The following TNFRSF10B variants were observed in gnomAD, a reference collection of about 807,000 sequenced individuals.
The protein encoded by TNFRSF10B is TNF receptor superfamily member 10b, also known as tumor necrosis factor receptor superfamily member 10B.
TNFRSF10B carries 35 observed loss-of-function variants against 41.4 expected under a neutral mutation model. The observed-to-expected ratio is 0.85, with a 90% CI of 0.65 to 1.12. The LOEUF is 1.12. Among genes scored for constraint, TNFRSF10B ranks in the 50% most tolerant of loss-of-function variants. The pLI is 0.00. For missense variants in TNFRSF10B, 584 were observed against 552.7 expected, an observed-to-expected ratio of 1.06 and a Z score of -0.57; for synonymous variants, 230 against 215.5, an observed-to-expected ratio of 1.07 and a Z score of -0.59.
In TNFRSF10B at chr8:23,028,584, G is replaced by A. The variant is rs934337241; in HGVS notation, c.495C>T (p.Val165=). The A allele has an allele frequency of 6.2e-7, 1 of 1,613,972 alleles. No individual in the cohort carries two copies. The highest frequency in any genetic ancestry group is 1.7e-5 in the Admixed American group (1 of 60,012). ...KCRTGCPRGM[V]KVGDCTPWSD... ...TCCAGGGTGTACAATCACCGACCTT[G>A]ACCATCCCTCTGGGACACCTGGGTA... Residue 165 remains valine (V), a synonymous_variant, in exon 5 of 9, where the codon GTC becomes GTT. Coordinates refer to ENST00000276431, the MANE Select transcript of TNFRSF10B (RefSeq NM_003842.5).
chr8:23,040,274 T>C (rs950280409), intron 2 of TNFRSF10B, among the ~76,000 whole-genome samples: 1 of 125,566 alleles, frequency 8.0e-6, no homozygotes, highest in African/African-American at 2.8e-5. Context: ...TAAATATATA[T>C]ATAATATATA....
intron 7 of TNFRSF10B, among the ~76,000 whole-genome samples, chr8:23,026,712 T>A (rs1334811959): frequency 1.3e-5 from 2 of 152,228 alleles, no homozygotes; most frequent in South Asian, 2.1e-4. Context: ...CGACTTGGAA[T>A]CCTACTTTTT....
chr8:23,059,705 G>T (rs960483370), intron 1 of TNFRSF10B, among the ~76,000 whole-genome samples: 2 of 152,086 alleles, frequency 1.3e-5, no homozygotes, highest in African/African-American at 4.8e-5. Flanking sequence ...GTGGAGACGG[G>T]GTCTCACCAT....
Position 23,046,442 on chromosome 8 carries a change from C to T in TNFRSF10B, c.145-3199G>A, listed in dbSNP as rs564095090. On this transcript the variant is annotated intron_variant, in intron 1 of 8. Transcript: ENST00000276431. The stretch of plus-strand genomic sequence containing the variant: ...AACAAAACAGAAGAGACAAATAAAA[C>T]GGAAAGAGACACAAATGCATGAAAA... 1.2e-3 allele frequency among the ~76,000 whole-genome samples: 184 copies of T among 151,706 alleles called. 1 individual carries two copies. The highest frequency in any genetic ancestry group is 3.9e-3 in the African/African-American group (160 of 41,426).
intron 2 of TNFRSF10B, among the ~76,000 whole-genome samples, chr8:23,036,567 G>A (rs560116364): frequency 2.0e-4 from 31 of 152,220 alleles, no homozygotes; most frequent in Admixed American, 3.9e-4. Flanking sequence ...CCGCTAGGCC[G>A]GGTGTGGTGG....
chr8:23,026,892 G>A (rs1386098980), intron 7 of TNFRSF10B, among the ~76,000 whole-genome samples: 2 of 152,162 alleles, frequency 1.3e-5, no homozygotes, highest in African/African-American at 2.4e-5. Context: ...CCCACTCTAT[G>A]CCTGTGGAGC....
At chr8:23,035,707 T>C (rs1228462606) in intron 2 of TNFRSF10B, among the ~76,000 whole-genome samples, 1 of 152,186 alleles carries the variant, frequency 6.6e-6, no homozygotes, top group Admixed American at 6.5e-5. Context: ...TCTTCTAAGA[T>C]ATTCTAAGAT....
At position 23,020,672 on chromosome 8, in the gene TNFRSF10B, A is replaced by C. The variant is rs529343837; in HGVS notation, c.*1999T>G. ...GTACCGTTGCACTCCAGCCTGGGCG[A>C]GAGAGTGAGATTCTGTCTCAAAAAA... On this transcript the variant is annotated 3_prime_UTR_variant, in exon 9 of 9. Transcript: ENST00000276431. 15 of 454,044 alleles carry C rather than the reference A, an allele frequency of 3.3e-5. No individual in the cohort carries two copies. Among genetic ancestry groups the C allele is most frequent in the African/African-American group, 2.6e-4 (13 of 50,092 alleles). The allele number at this position is 454,044 out of a possible 1,614,324, so 28.1% of individuals were successfully genotyped here. A position where few individuals can be genotyped will look rare whatever the true frequency, so the allele number is the denominator to read the frequency against.
chr8:23,021,718 T>C lies in TNFRSF10B; in HGVS notation c.*953A>G, dbSNP rs1430297759. 1 of 453,966 alleles carries C rather than the reference T, an allele frequency of 2.2e-6. No individual in the cohort carries two copies. The highest frequency in any genetic ancestry group is 4.4e-6 in the Non-Finnish European group (1 of 226,800). The allele number at this position is 453,966 out of a possible 1,614,324, so 28.1% of individuals were successfully genotyped here. On this transcript the variant is annotated 3_prime_UTR_variant, in exon 9 of 9. Coordinates refer to ENST00000276431, the MANE Select transcript of TNFRSF10B (RefSeq NM_003842.5). Reference sequence around the variant, plus strand: ...AACAACTACCTATAAATAATACTCATATACTTGTAAGGTTGTCCAGTTCAA... The same window carrying C: ...AACAACTACCTATAAATAATACTCACATACTTGTAAGGTTGTCCAGTTCAA...
intron 1 of TNFRSF10B, among the ~76,000 whole-genome samples, chr8:23,058,262 C>G (rs747624825): frequency 1.2e-4 from 18 of 152,078 alleles, no homozygotes; most frequent in Admixed American, 2.6e-4. Flanking sequence ...AAAATTCCAT[C>G]TCTTATAAAC....
chr8:23,041,870 C>T (rs1056347068), intron 2 of TNFRSF10B, among the ~76,000 whole-genome samples: 3 of 152,268 alleles, frequency 2.0e-5, no homozygotes, highest in Middle Eastern at 3.4e-3. Flanking sequence ...CCTGGCCTAT[C>T]GTCTCCAACT....
chr8:23,061,913 T>C (rs1812840957), intron 1 of TNFRSF10B, among the ~76,000 whole-genome samples: 1 of 152,238 alleles, frequency 6.6e-6, no homozygotes, highest in Non-Finnish European at 1.5e-5. Context: ...ATAATCCATC[T>C]AAGGTACTGT....
intron 1 of TNFRSF10B, among the ~76,000 whole-genome samples, chr8:23,063,682 GACCCTC>G (rs1346681273): frequency 6.6e-6 from 1 of 152,066 alleles, no homozygotes; most frequent in Admixed American, 6.6e-5. Context: ...AATGCAACCT[GACCCTC>G]ACCCTAACCA....
At chr8:23,059,715 T>C (rs1812774389) in intron 1 of TNFRSF10B, among the ~76,000 whole-genome samples, 1 of 152,090 alleles carries the variant, frequency 6.6e-6, no homozygotes, top group Non-Finnish European at 1.5e-5. Context: ...GGTCTCACCA[T>C]GTTAGCCAGG....
At chr8:23,061,979 G>C (rs1292473064) in intron 1 of TNFRSF10B, among the ~76,000 whole-genome samples, 1 of 152,036 alleles carries the variant, frequency 6.6e-6, no homozygotes, top group African/African-American at 2.4e-5. Context: ...AGGGATACTG[G>C]GATATAGCTT....
intron 1 of TNFRSF10B, among the ~76,000 whole-genome samples, chr8:23,053,675 G>T (rs1339637555): frequency 6.6e-6 from 1 of 152,110 alleles, no homozygotes; most frequent in African/African-American, 2.4e-5. Context: ...GTTATGAAAG[G>T]TCTATAAAAC....
In TNFRSF10B at chr8:23,022,306, G is replaced by A. The variant is rs769895615; in HGVS notation, c.*365C>T. The A allele has an allele frequency of 4.6e-5, 21 of 459,152 alleles. No individual in the cohort carries two copies. The highest frequency in any genetic ancestry group is 1.4e-4 in the South Asian group (9 of 64,528). The allele number at this position is 459,152 out of a possible 1,614,324, so 28.4% of individuals were successfully genotyped here. A position where few individuals can be genotyped will look rare whatever the true frequency, so the allele number is the denominator to read the frequency against. ...ATATCATATAGTATCAAGTGAAGTC[G>A]GACAACGACTGTGTAGATGGATCTT... On this transcript the variant is annotated 3_prime_UTR_variant, in exon 9 of 9. Transcript: ENST00000276431.
intron 6 of TNFRSF10B, 181 bp from the exon 7 acceptor site, chr8:23,027,469 G>T: frequency 2.4e-6 from 2 of 841,826 alleles, no homozygotes; most frequent in Non-Finnish European, 3.8e-6. Context: ...CCAGTGCTGT[G>T]CTCAGGCAGA....
At chr8:23,043,959 C>T (rs542385567) in intron 1 of TNFRSF10B, among the ~76,000 whole-genome samples, 72 of 152,328 alleles carry the variant, frequency 4.7e-4, no homozygotes, top group African/African-American at 1.6e-3. Context: ...TACATAATTG[C>T]ATGGAGCCAC....
Sources: allele counts gnomAD v4.1 joint callset (sites outside exome capture counted in the v4.1 genomes callset), GRCh38; gene constraint gnomAD v4.1.1; transcripts MANE v1.5; gene names NCBI Gene and HGNC (gene_info 2026-07-23, HGNC 2026-07-21).